Variants in CDK12 observed in about 807,000 individuals in gnomAD.
CDK12 encodes the protein cyclin dependent kinase 12.
In CDK12, 17 loss-of-function variants were observed where a neutral mutation model predicts 133.8. The ratio of observed to expected loss-of-function variants is 0.13; its 90% CI spans 0.09 to 0.19. CDK12 has a LOEUF of 0.19. Among genes scored for constraint, CDK12 ranks in the 10% least tolerant of loss-of-function variants. CDK12 has a pLI of 1.00. For synonymous variants in CDK12, 694 were observed against 683.6 expected, an observed-to-expected ratio of 1.02 and a Z score of -0.24; for missense variants, 1,508 against 1,818.7, an observed-to-expected ratio of 0.83 and a Z score of 3.11.
chr17:39,498,873 CTCT>C (rs1272085914), intron 5 of CDK12, among the ~76,000 whole-genome samples: 1 of 2,892 alleles, frequency 3.5e-4, no homozygotes. Context: ...CTATGATTTT[CTCT>C]TTCTTTCTTT....
chr17:39,482,599 A>ATTTTTGTT (rs2050801500), intron 2 of CDK12, among the ~76,000 whole-genome samples: 1 of 74,392 alleles, frequency 1.3e-5, no homozygotes, highest in Non-Finnish European at 2.6e-5. Flanking sequence ...AATCAACTAC[A>ATTTTTGTT]TTTTTTTTTT....
At chr17:39,507,679 C>T (rs1209855796) in intron 6 of CDK12, among the ~76,000 whole-genome samples, 3 of 152,204 alleles carry the variant, frequency 2.0e-5, no homozygotes, top group African/African-American at 7.2e-5. Flanking sequence ...CAGGTCTACA[C>T]TGATTTCTGT....
chr17:39,506,031 T>C (rs753833253), intron 6 of CDK12, among the ~76,000 whole-genome samples: 3 of 151,966 alleles, frequency 2.0e-5, no homozygotes, highest in African/African-American at 7.3e-5. Flanking sequence ...ACTAAGTAAG[T>C]GTAAGAGGGT....
chr17:39,502,245 C>T (rs193236825), intron 6 of CDK12, among the ~76,000 whole-genome samples: 1 of 152,200 alleles, frequency 6.6e-6, no homozygotes, highest in African/African-American at 2.4e-5. Flanking sequence ...CTCTGCCTCC[C>T]AGGTTCGTGC....
At chr17:39,511,214 CAAAAAAAAAAA>C (rs59984042) in intron 7 of CDK12, among the ~76,000 whole-genome samples, 3 of 74,854 alleles carry the variant, frequency 4.0e-5, no homozygotes, top group African/African-American at 5.2e-5. Flanking sequence ...GACACCGTCT[CAAAAAAAAAAA>C]AAAAAAAAAA....
upstream of CDK12, among the ~76,000 whole-genome samples, chr17:39,543,820 G>T (rs1404754383): frequency 2.0e-5 from 3 of 152,158 alleles, no homozygotes; most frequent in Admixed American, 6.5e-5. Flanking sequence ...TGAAGGAGCT[G>T]TTATGGATGA....
intron 12 of CDK12, among the ~76,000 whole-genome samples, chr17:39,525,111 C>T (rs1438490159): frequency 6.6e-6 from 1 of 152,096 alleles, no homozygotes; most frequent in Non-Finnish European, 1.5e-5. Flanking sequence ...GAAATATGTA[C>T]GGAACACTGT....
chr17:39,544,623 ATCTTTTTT>A (rs1370665388), upstream of CDK12, among the ~76,000 whole-genome samples: 1 of 115,182 alleles, frequency 8.7e-6, no homozygotes, highest in Non-Finnish European at 1.7e-5. Context: ...GTAACAGGCG[ATCTTTTTT>A]TTTTTTTTTT....
chr17:39,483,602 A>C (rs1310509579), intron 2 of CDK12, among the ~76,000 whole-genome samples: 1 of 151,226 alleles, frequency 6.6e-6, no homozygotes, highest in Non-Finnish European at 1.5e-5. Flanking sequence ...AAGGGGAAGG[A>C]GATAAAGGAT....
At chr17:39,509,028 A>G (rs998313769) in intron 6 of CDK12, among the ~76,000 whole-genome samples, 1 of 150,718 alleles carries the variant, frequency 6.6e-6, no homozygotes, top group Non-Finnish European at 1.5e-5. Flanking sequence ...AGCAGAGTGA[A>G]ACATGGTTGG....
chr17:39,508,069 A>AT (rs1193620604), intron 6 of CDK12, among the ~76,000 whole-genome samples: 3 of 151,886 alleles, frequency 2.0e-5, no homozygotes, highest in Non-Finnish European at 2.9e-5. Flanking sequence ...TGGATTTCAG[A>AT]TTTTTTTTAG....
intron 3 of CDK12, chr17:39,564,711 C>G (rs1236727338): frequency 6.6e-6 from 1 of 152,164 alleles, no homozygotes; most frequent in Non-Finnish European, 1.5e-5. Context: ...GTTCCCCTCC[C>G]CTGTCTATTT....
At chr17:39,541,922 G>A (rs1295276200) in intron 1 of CDK12, among the ~76,000 whole-genome samples, 1 of 152,226 alleles carries the variant, frequency 6.6e-6, no homozygotes, top group African/African-American at 2.4e-5. Context: ...AGGAAGGAAA[G>A]TGCCTTGCCC....
At chr17:39,562,042 C>A (rs989371891) in intron 3 of CDK12, among the ~76,000 whole-genome samples, 3 of 152,142 alleles carry the variant, frequency 2.0e-5, no homozygotes, top group Non-Finnish European at 4.4e-5. Context: ...TGGGTTCAAG[C>A]GATTCTCCTG....
At chr17:39,518,492 A>G (rs1377648498) in intron 10 of CDK12, among the ~76,000 whole-genome samples, 1 of 151,866 alleles carries the variant, frequency 6.6e-6, no homozygotes, top group Non-Finnish European at 1.5e-5. Flanking sequence ...ACGCCTGGCC[A>G]TGTTTTGGTT....
At chr17:39,563,851 G>A (rs1488568216) in intron 3 of CDK12, among the ~76,000 whole-genome samples, 1 of 152,140 alleles carries the variant, frequency 6.6e-6, no homozygotes, top group Non-Finnish European at 1.5e-5. Flanking sequence ...CTAACACTCT[G>A]CTTGTGGTCA....
At chr17:39,526,350 A>G in intron 13 of CDK12, 34 bp downstream of exon 13, 3 of 1,491,134 alleles carry the variant, frequency 2.0e-6, no homozygotes, top group Non-Finnish European at 1.8e-6. Context: ...CATTGAGCTC[A>G]GGTGCTGTTG....
chr17:39,563,459 T>TTC (rs1567827752), intron 3 of CDK12, among the ~76,000 whole-genome samples: 1 of 21,402 alleles, frequency 4.7e-5, no homozygotes, highest in African/African-American at 1.2e-4. Context: ...TTCTCTTGCT[T>TTC]CCCGCCCCCC....
chr17:39,510,206 G>T (rs911375909), intron 7 of CDK12, among the ~76,000 whole-genome samples: 1 of 139,656 alleles, frequency 7.2e-6, no homozygotes, highest in Non-Finnish European at 1.5e-5. Flanking sequence ...TGCAACCTCC[G>T]CCTCTTGGGT....
Sources: gnomAD v4.1 joint callset for allele counts (sites outside exome capture counted in the v4.1 genomes callset) on GRCh38, gnomAD v4.1.1 for gene constraint, MANE v1.5 for transcripts, NCBI Gene and HGNC (gene_info 2026-07-23, HGNC 2026-07-21) for gene names.